KSR2: variants seen among roughly 807,000 people sequenced by gnomAD.
The protein encoded by KSR2 is kinase suppressor of ras 2.
Under a neutral mutation model 107.8 loss-of-function variants are expected in KSR2, and 25 were observed. The ratio of observed to expected loss-of-function variants is 0.23; its 90% CI spans 0.17 to 0.32. The LOEUF is 0.32. KSR2 is among the 10% of genes least tolerant of loss of function. The pLI, the probability that KSR2 is intolerant of heterozygous loss-of-function variation, is 1.00. For missense variants in KSR2, 887 were observed against 1,268.9 expected (o/e 0.70, Z 4.57); for synonymous variants, 480 against 507.0 (o/e 0.95, Z 0.71).
At chr12:117,899,789 G>A (rs935511413) in intron 1 of KSR2, among the ~76,000 whole-genome samples, 1 of 152,184 alleles carries the variant, frequency 6.6e-6, no homozygotes, top group Non-Finnish European at 1.5e-5. Context: ...TAACACATTG[G>A]AGAGAAAGAT....
chr12:117,686,560 A>G (rs975831836), intron 4 of KSR2, among the ~76,000 whole-genome samples: 2 of 152,022 alleles, frequency 1.3e-5, no homozygotes, highest in African/African-American at 4.8e-5. Flanking sequence ...TGCTTGTAAC[A>G]CCTGGATAAA....
chr12:117,793,834 A>G (rs1890423191), intron 3 of KSR2, among the ~76,000 whole-genome samples: 1 of 146,044 alleles, frequency 6.8e-6, no homozygotes. Context: ...ACTCACACCA[A>G]CATGCACACA....
intron 1 of KSR2, among the ~76,000 whole-genome samples, chr12:117,903,084 A>G (rs1046633510): frequency 6.6e-6 from 1 of 152,250 alleles, no homozygotes; most frequent in Non-Finnish European, 1.5e-5. Flanking sequence ...AATGTAGGCG[A>G]GAGTTTGATT....
Position 117,525,013 on chromosome 12 carries a change from A to G in KSR2, c.2058T>C (p.His686=). The change falls in exon 14 of 20, where the codon CAT becomes CAC. Residue 686 remains histidine, a synonymous_variant. Transcript: ENST00000339824. ...CAATCAGCCGGATGGCCACCTCGCC[A>G]TGCCAGCGGCCGTGGTACACTTGCC... The part of the protein sequence containing the change: ...RFGQVYHGRW[H]GEVAIRLIDI... 1 of 1,613,946 alleles carries G rather than the reference A, an allele frequency of 6.2e-7. No individual in the cohort carries two copies. Among genetic ancestry groups the G allele is most frequent in the South Asian group, 1.1e-5 (1 of 91,072 alleles).
chr12:117,697,510 A>G (rs1330285111), intron 4 of KSR2, among the ~76,000 whole-genome samples: 1 of 152,238 alleles, frequency 6.6e-6, no homozygotes. Flanking sequence ...TGGGAGGCCA[A>G]GGCGGGCAGA....
In KSR2 at chr12:117,667,591, G is replaced by A. The variant is rs537510504; in HGVS notation, c.1054C>T (p.Pro352Ser). The A allele has an allele frequency of 6.2e-7, 1 of 1,613,276 alleles. No individual in the cohort carries two copies. Among genetic ancestry groups the A allele is most frequent in the African/African-American group, 1.3e-5 (1 of 75,036 alleles). Residue 352 changes from proline to serine, a missense_variant, in exon 5 of 20, where the codon CCC becomes TCC. Pro to Ser is a moderately conservative substitution (Grantham distance 74, BLOSUM62 -1). This residue lies in a region of KSR2 where 399 missense variants were observed against 479.5 expected (regional missense o/e 0.83). Transcript: ENST00000339824. Reference protein sequence around the residue: ...HSSVGSCENIPSQQRSPLLSE... With the variant: ...HSSVGSCENISSQQRSPLLSE... ...AGCAGCGGGGAGCGCTGCTGAGAGG[G>A]GATGTTCTCGCAGCTGCCTACGCTG...
At chr12:117,715,585 C>T (rs1886948019) in intron 4 of KSR2, among the ~76,000 whole-genome samples, 1 of 152,160 alleles carries the variant, frequency 6.6e-6, no homozygotes, top group Non-Finnish European at 1.5e-5. Context: ...ATTATTTTCC[C>T]CATTTTATAG....
chr12:117,591,375 A>G (rs1439042741), intron 5 of KSR2, among the ~76,000 whole-genome samples: 8 of 152,178 alleles, frequency 5.3e-5, no homozygotes, highest in African/African-American at 1.9e-4. Context: ...GATCCCAGGC[A>G]GAAGAGGAAG....
chr12:117,751,020 C>G (rs1441044083), intron 4 of KSR2, among the ~76,000 whole-genome samples: 4 of 152,180 alleles, frequency 2.6e-5, no homozygotes, highest in African/African-American at 7.2e-5. Context: ...CCACTCAAAT[C>G]TCATCTTGAA....
intron 1 of KSR2, among the ~76,000 whole-genome samples, chr12:117,920,253 T>A (rs374028898): frequency 6.6e-6 from 1 of 152,084 alleles, no homozygotes. Context: ...TAGGAGCCAC[T>A]ATGCCCAGCT....
chr12:117,843,012 G>A lies in KSR2; in HGVS notation c.472+12416C>T, dbSNP rs112402377. On this transcript the variant is annotated intron_variant, in intron 3 of 19. Coordinates refer to ENST00000339824, the MANE Select transcript of KSR2 (RefSeq NM_173598.6). The stretch of plus-strand genomic sequence containing the variant: ...AAGGAGGGAGGAGGAAGGAGGGAGG[G>A]AAGCTGACTTTAAAAACAATAAAAA... Among the ~76,000 whole-genome samples, 44 of 134,332 alleles carry A rather than the reference G, an allele frequency of 3.3e-4. 1 individual carries two copies. Among genetic ancestry groups the A allele is most frequent in the African/African-American group, 1.2e-3 (40 of 32,740 alleles). The allele number at this position is 134,332 out of a possible 152,430, so 88.1% of individuals were successfully genotyped here.
chr12:117,515,077 C>G (rs1048116898), intron 14 of KSR2, among the ~76,000 whole-genome samples: 2 of 152,128 alleles, frequency 1.3e-5, no homozygotes, highest in African/African-American at 4.8e-5. Flanking sequence ...ATCACGACAC[C>G]GTTGGAGAAT....
rs535075102 is a variant in KSR2 at position 117,461,600 on chromosome 12, G to A, written c.*5599C>T. ...TATGGATTGCAGGGCCTCGAGAAGG[G>A]AGTCTGGGATTTGGGTTAATATCAT... is the stretch of plus-strand genomic sequence containing the variant. On this transcript the variant is annotated 3_prime_UTR_variant, in exon 20 of 20. Coordinates refer to ENST00000339824, the MANE Select transcript of KSR2 (RefSeq NM_173598.6). The A allele has an allele frequency of 3.7e-5, 6 of 162,074 alleles. No homozygotes were observed. Among genetic ancestry groups the A allele is most frequent in the African/African-American group, 1.2e-4 (5 of 41,906 alleles). 10.0% of individuals were successfully genotyped at this position (162,074 alleles called of 1,614,324 possible). A position where few individuals can be genotyped will look rare whatever the true frequency, so the allele number is the denominator to read the frequency against.
chr12:117,820,846 T>C (rs1891539342), intron 3 of KSR2, among the ~76,000 whole-genome samples: 1 of 152,192 alleles, frequency 6.6e-6, no homozygotes, highest in Admixed American at 6.5e-5. Flanking sequence ...CCATCTGCTC[T>C]ACTCCCTGTC....
rs1274137045 is a variant in KSR2 at position 117,530,845 on chromosome 12, C to T, written c.1802+96G>A. 3.7e-6 allele frequency: 4 copies of T among 1,079,186 alleles called. No individual in the cohort carries two copies. In the African/African-American group the frequency reaches 6.3e-5, roughly 17 times the overall value. The allele number at this position is 1,079,186 out of a possible 1,614,324, so 66.9% of individuals were successfully genotyped here. A position where few individuals can be genotyped will look rare whatever the true frequency, so the allele number is the denominator to read the frequency against. ...CCTCTGCCCCCAACTCCATCAGTTC[C>T]AGGAAGAGAAGGAAAGAAGATAGGG... On this transcript the variant is annotated intron_variant, in intron 12 of 19. Transcript: ENST00000339824.
At chr12:117,834,148 A>G (rs964047724) in intron 3 of KSR2, among the ~76,000 whole-genome samples, 60 of 145,898 alleles carry the variant, frequency 4.1e-4, no homozygotes, top group African/African-American at 1.4e-3. Context: ...CTCAAAAAAA[A>G]TAAAAAAAAA....
intron 1 of KSR2, among the ~76,000 whole-genome samples, chr12:117,956,261 A>G (rs1361757695): frequency 1.4e-5 from 2 of 147,976 alleles, no homozygotes; most frequent in East Asian, 4.0e-4. Flanking sequence ...AAAAAAAAAA[A>G]AAAAAAAAAA....
At chr12:117,468,234 G>A (rs920333884) in intron 19 of KSR2, among the ~76,000 whole-genome samples, 1 of 152,118 alleles carries the variant, frequency 6.6e-6, no homozygotes, top group African/African-American at 2.4e-5. Flanking sequence ...TATGTTGAGA[G>A]GCACCTGCTA....
intron 1 of KSR2, among the ~76,000 whole-genome samples, chr12:117,882,978 C>A (rs1295700240): frequency 6.6e-6 from 1 of 151,792 alleles, no homozygotes; most frequent in African/African-American, 2.4e-5. Flanking sequence ...ATCCAAGCAA[C>A]CATCCATTCA....
Sources: gnomAD v4.1 joint callset for allele counts (sites outside exome capture counted in the v4.1 genomes callset) on GRCh38, gnomAD v4.1.1 for gene constraint, gnomAD v4.1.1 regional missense constraint, MANE v1.5 for transcripts, NCBI Gene and HGNC (gene_info 2026-07-23, HGNC 2026-07-21) for gene names.